Variants in PTPN14 observed in about 807,000 individuals in gnomAD.
PTPN14 encodes the protein tyrosine-protein phosphatase non-receptor type 14.
In PTPN14, 53 loss-of-function variants were observed where a neutral mutation model predicts 126.8. That is an observed-to-expected ratio of 0.42 (90% confidence interval 0.34 to 0.53). PTPN14 has a LOEUF of 0.53. PTPN14 is among the 20% of genes least tolerant of loss of function. The pLI is 0.08. For missense variants in PTPN14, 1,257 were observed against 1,552.9 expected, an observed-to-expected ratio of 0.81 and a Z score of 3.20; for synonymous variants, 630 against 599.3, an observed-to-expected ratio of 1.05 and a Z score of -0.75.
At chr1:214,463,244 T>C (rs1660552635) in intron 2 of PTPN14, among the ~76,000 whole-genome samples, 1 of 152,246 alleles carries the variant, frequency 6.6e-6, no homozygotes, top group East Asian at 1.9e-4. Flanking sequence ...CCCCAATCAG[T>C]ATTTGTTTTT....
chr1:214,360,772 C>T (rs896576763), intron 18 of PTPN14, among the ~76,000 whole-genome samples: 4 of 152,166 alleles, frequency 2.6e-5, no homozygotes, highest in Non-Finnish European at 5.9e-5. Flanking sequence ...CTCAGTTTCT[C>T]TTCTGTTATG....
intron 1 of PTPN14, among the ~76,000 whole-genome samples, chr1:214,475,691 G>GA (rs1660852115): frequency 1.3e-5 from 2 of 152,104 alleles, no homozygotes; most frequent in South Asian, 4.2e-4. Flanking sequence ...CGCCATTTGT[G>GA]AAGCAGACAC....
At chr1:214,438,158 C>T (rs1270626770) in intron 3 of PTPN14, among the ~76,000 whole-genome samples, 1 of 152,186 alleles carries the variant, frequency 6.6e-6, no homozygotes, top group East Asian at 1.9e-4. Context: ...CTTCAAGTTA[C>T]AAGTACTGTG....
intron 12 of PTPN14, among the ~76,000 whole-genome samples, chr1:214,385,808 A>G (rs1043628480): frequency 3.3e-5 from 5 of 152,206 alleles, no homozygotes; most frequent in Admixed American, 1.3e-4. Flanking sequence ...AACAGGGGGA[A>G]CACAGAGACA....
intron 1 of PTPN14, chr1:214,530,337 CTTTTTT>C (rs1219471589): frequency 1.5e-5 from 2 of 129,088 alleles, no homozygotes; most frequent in East Asian, 2.1e-4. Context: ...CTTTTCTTTT[CTTTTTT>C]TTTTTTTTTT....
intron 9 of PTPN14, among the ~76,000 whole-genome samples, chr1:214,394,541 G>C (rs1198415071): frequency 6.6e-6 from 1 of 152,162 alleles, no homozygotes; most frequent in Non-Finnish European, 1.5e-5. Context: ...CCGAGTAGCT[G>C]GGACTACAGG....
At chr1:214,395,811 C>G (rs992681634) in intron 8 of PTPN14, among the ~76,000 whole-genome samples, 1 of 152,104 alleles carries the variant, frequency 6.6e-6, no homozygotes, top group African/African-American at 2.4e-5. Flanking sequence ...CTTTTTCACT[C>G]ATATGATGCG....
intron 14 of PTPN14, 135 bp downstream of exon 14, chr1:214,377,824 A>G (rs113630825): frequency 8.9e-7 from 1 of 1,123,732 alleles, no homozygotes. Context: ...ACACAGTTAT[A>G]CCTGATCTTC....
At position 214,384,751 on chromosome 1, in the gene PTPN14, G is replaced by A; in HGVS notation, c.1104C>T (p.Cys368=). Residue 368 remains cysteine (C), a synonymous_variant, in exon 13 of 19, where the codon TGC becomes TGT. Coordinates refer to ENST00000366956, the MANE Select transcript of PTPN14 (RefSeq NM_005401.5). This position sits in a 1 kb window ranked among gnomAD's most constrained non-coding sequence, Gnocchi z 5.3. ...IFHGNEEALY[C]NSHNSLDLNY... is the part of the protein sequence containing the mutation. The stretch of plus-strand genomic sequence containing the variant: ...TTAAGTCCAGGCTGTTGTGAGAGTT[G>A]CAATACAAGGCTTCTTCATTCCCAT... The A allele has an allele frequency of 6.2e-7, 1 of 1,613,818 alleles. No individual in the cohort carries two copies. Among genetic ancestry groups the A allele is most frequent in the Non-Finnish European group, 8.5e-7 (1 of 1,179,898 alleles).
intron 1 of PTPN14, among the ~76,000 whole-genome samples, chr1:214,485,789 G>A (rs929726837): frequency 2.0e-5 from 3 of 151,716 alleles, no homozygotes; most frequent in South Asian, 4.2e-4. Context: ...GCAGTGGCGC[G>A]ATCTCAGCTC....
intron 1 of PTPN14, among the ~76,000 whole-genome samples, chr1:214,502,826 T>C (rs908936237): frequency 6.6e-6 from 1 of 152,134 alleles, no homozygotes; most frequent in South Asian, 2.1e-4. Context: ...AGGGAAAACA[T>C]AAATGAAACT....
intron 14 of PTPN14, 128 bp from the exon 15 acceptor site, chr1:214,376,565 T>A: frequency 1.3e-6 from 1 of 767,022 alleles, no homozygotes; most frequent in Non-Finnish European, 2.1e-6. Flanking sequence ...CAATGCTTGG[T>A]TTGTCTCATT....
intron 1 of PTPN14, among the ~76,000 whole-genome samples, chr1:214,542,470 G>C (rs1655862963): frequency 6.6e-6 from 1 of 152,200 alleles, no homozygotes; most frequent in South Asian, 2.1e-4. Flanking sequence ...TGCATGGACA[G>C]TTACAGGCAG....
intron 3 of PTPN14, among the ~76,000 whole-genome samples, chr1:214,449,406 C>T (rs116354184): frequency 6.6e-6 from 1 of 152,290 alleles, no homozygotes; most frequent in African/African-American, 2.4e-5. Context: ...CACCAATAGG[C>T]CTTACAGGAT....
At chr1:214,465,175 A>G (rs1244439990) in intron 1 of PTPN14, among the ~76,000 whole-genome samples, 1 of 152,220 alleles carries the variant, frequency 6.6e-6, no homozygotes, top group Non-Finnish European at 1.5e-5. Flanking sequence ...GCTACTTTAC[A>G]GTTGAAGAAA....
chr1:214,399,595 A>C (rs1462624710), intron 7 of PTPN14, among the ~76,000 whole-genome samples: 1 of 151,976 alleles, frequency 6.6e-6, no homozygotes, highest in Non-Finnish European at 1.5e-5. Context: ...CAAAACTTTC[A>C]CCTCTTAAAG....
At chr1:214,471,046 A>G (rs1364337603) in intron 1 of PTPN14, among the ~76,000 whole-genome samples, 2 of 124,190 alleles carry the variant, frequency 1.6e-5, no homozygotes, top group East Asian at 4.3e-4. Context: ...AAAACAAAAC[A>G]AAAAAACAAC....
chr1:214,491,335 T>C (rs1431173001), intron 1 of PTPN14, among the ~76,000 whole-genome samples: 1 of 152,158 alleles, frequency 6.6e-6, no homozygotes, highest in Non-Finnish European at 1.5e-5. Context: ...GGCTGCCTGT[T>C]CTGCCAGGGT....
At chr1:214,392,526 T>C (rs1276426361) in intron 10 of PTPN14, among the ~76,000 whole-genome samples, 1 of 152,082 alleles carries the variant, frequency 6.6e-6, no homozygotes, top group Non-Finnish European at 1.5e-5. Context: ...AGCATTCTTG[T>C]TCATGTCAAA....
Sources: allele counts gnomAD v4.1 joint callset (sites outside exome capture counted in the v4.1 genomes callset), GRCh38; gene constraint gnomAD v4.1.1; non-coding constraint Gnocchi (gnomAD v3.1); transcripts MANE v1.5; gene names NCBI Gene and HGNC (gene_info 2026-07-23, HGNC 2026-07-21).